Variants in CADM2 observed in about 807,000 individuals in gnomAD.
CADM2 encodes the protein immunoglobulin superfamily member 4D.
CADM2 carries 12 observed loss-of-function variants against 49.8 expected under a neutral mutation model. The observed-to-expected ratio is 0.24, with a 90% CI of 0.15 to 0.39. The LOEUF is 0.39. Among genes scored for constraint, CADM2 ranks in the 10% least tolerant of loss-of-function variants. CADM2 has a pLI of 1.00. For missense variants in CADM2, 378 were observed against 492.3 expected (o/e 0.77, Z 2.20); for synonymous variants, 214 against 175.4 (o/e 1.22, Z -1.74).
chr3:85,493,398 A>G (rs777228629), intron 1 of CADM2, among the ~76,000 whole-genome samples: 28 of 151,688 alleles, frequency 1.8e-4, no homozygotes, highest in Non-Finnish European at 2.9e-4. Context: ...TGAATACTCT[A>G]TGAAATAAAT....
rs549306750 is a variant in CADM2 at position 85,410,785 on chromosome 3, G to T, written c.62-315737G>T. On this transcript the variant is annotated intron_variant, in intron 1 of 9. Coordinates refer to ENST00000383699, the MANE Select transcript of CADM2 (RefSeq NM_001167675.2). ...AAGCTCTTTGTAGGTGATAGTGAAAGAAAATAAATAAGTGTGCAGGAGAAT... is the reference window on the plus strand; with the variant it reads ...AAGCTCTTTGTAGGTGATAGTGAAATAAAATAAATAAGTGTGCAGGAGAAT... Among the ~76,000 whole-genome samples, 8 of 152,226 alleles carry T rather than the reference G, an allele frequency of 5.3e-5. No homozygotes were observed. In the South Asian group the frequency reaches 6.2e-4, roughly 12 times the overall value.
intron 5 of CADM2, among the ~76,000 whole-genome samples, chr3:85,901,716 G>T (rs1716143298): frequency 6.6e-6 from 1 of 152,042 alleles, no homozygotes; most frequent in African/African-American, 2.4e-5. Context: ...TAAATTCACA[G>T]AACTATGAAA....
intron 8 of CADM2, among the ~76,000 whole-genome samples, chr3:85,966,266 A>G (rs1282086696): frequency 6.6e-6 from 1 of 151,738 alleles, no homozygotes; most frequent in Non-Finnish European, 1.5e-5. Flanking sequence ...GGTAGCAAGG[A>G]TAATGTTTAG....
chr3:86,033,704 T>C (rs925957652), intron 8 of CADM2, among the ~76,000 whole-genome samples: 47 of 136,738 alleles, frequency 3.4e-4, no homozygotes, highest in African/African-American at 1.1e-3. Flanking sequence ...TTATTTGTTT[T>C]ATATATATAT....
At chr3:84,980,102 AT>A (rs1328611756) in intron 1 of CADM2, among the ~76,000 whole-genome samples, 1 of 152,162 alleles carries the variant, frequency 6.6e-6, no homozygotes. Context: ...AAAGAGTTAA[AT>A]TCCCCTCATT....
At chr3:85,577,943 T>C (rs2062682746) in intron 1 of CADM2, among the ~76,000 whole-genome samples, 1 of 151,092 alleles carries the variant, frequency 6.6e-6, no homozygotes, top group African/African-American at 2.5e-5. Context: ...AAAATTATCC[T>C]CTAACATTAT....
chr3:85,239,776 A>C (rs1266627850), intron 1 of CADM2, among the ~76,000 whole-genome samples: 1 of 151,402 alleles, frequency 6.6e-6, no homozygotes, highest in Non-Finnish European at 1.5e-5. Flanking sequence ...ACTTCTTTAA[A>C]AATTATTTTA....
At chr3:85,194,269 G>A (rs1042384142) in intron 1 of CADM2, among the ~76,000 whole-genome samples, 2 of 152,098 alleles carry the variant, frequency 1.3e-5, no homozygotes, top group African/African-American at 2.4e-5. Flanking sequence ...TGCAAGACAA[G>A]GCTCAAGAGA....
At chr3:85,969,282 G>A (rs944753388) in intron 8 of CADM2, among the ~76,000 whole-genome samples, 11 of 151,304 alleles carry the variant, frequency 7.3e-5, no homozygotes, top group African/African-American at 2.2e-4. Flanking sequence ...GCCTACATCG[G>A]TGGCATCTCT....
intron 1 of CADM2, among the ~76,000 whole-genome samples, chr3:85,342,606 G>C (rs2030003897): frequency 1.3e-5 from 2 of 151,780 alleles, no homozygotes. Context: ...ATGCCTTGTG[G>C]GATCAAAAGG....
At position 84,959,026 on chromosome 3, in the gene CADM2, A is replaced by G. The variant is rs900373688; in HGVS notation, c.-582A>G. 2 of 191,564 alleles carry G rather than the reference A, an allele frequency of 1.0e-5. No individual in the cohort carries two copies. The highest frequency in any genetic ancestry group is 2.1e-5 in the Non-Finnish European group (2 of 95,656). 11.9% of individuals were successfully genotyped at this position (191,564 alleles called of 1,614,324 possible). A position where few individuals can be genotyped will look rare whatever the true frequency, so the allele number is the denominator to read the frequency against. ...CCGTCGCCGCTGCCGCTGCCGCCAC[A>G]GCCGCCGCTGCAGCCGGAGCATCCG... On this transcript the variant is annotated 5_prime_UTR_variant, in exon 1 of 10. Transcript: ENST00000383699.
At chr3:85,230,072 A>C (rs1241195051) in intron 1 of CADM2, among the ~76,000 whole-genome samples, 1 of 152,186 alleles carries the variant, frequency 6.6e-6, no homozygotes, top group Non-Finnish European at 1.5e-5. Flanking sequence ...ACTGACTGGC[A>C]CTGGCAGGAA....
chr3:85,620,450 T>C (rs1402032700), intron 1 of CADM2, among the ~76,000 whole-genome samples: 1 of 152,036 alleles, frequency 6.6e-6, no homozygotes, highest in Non-Finnish European at 1.5e-5. Context: ...ATAAAACAAC[T>C]TAAAATTTAT....
intron 1 of CADM2, among the ~76,000 whole-genome samples, chr3:85,574,148 C>A (rs1423072411): frequency 1.3e-5 from 2 of 152,206 alleles, no homozygotes; most frequent in African/African-American, 4.8e-5. Context: ...TATTTCTAGT[C>A]CTCAGTCTGG....
chr3:84,992,354 G>T (rs2032939041), intron 1 of CADM2, among the ~76,000 whole-genome samples: 1 of 152,034 alleles, frequency 6.6e-6, no homozygotes, highest in Admixed American at 6.6e-5. Context: ...ATTCAGAAAG[G>T]GGATCTTTAG....
intron 1 of CADM2, among the ~76,000 whole-genome samples, chr3:85,473,441 G>T (rs760216982): frequency 4.0e-5 from 6 of 151,872 alleles, no homozygotes; most frequent in Non-Finnish European, 5.9e-5. Context: ...CTTTTAATTA[G>T]GCAGTGAAAT....
At chr3:85,566,464 A>C (rs528615109) in intron 1 of CADM2, among the ~76,000 whole-genome samples, 1 of 152,288 alleles carries the variant, frequency 6.6e-6, no homozygotes, top group South Asian at 2.1e-4. Context: ...GCCTTCAAAT[A>C]AGATGCCTTG....
At chr3:85,951,910 A>C (rs1723470557) in intron 7 of CADM2, among the ~76,000 whole-genome samples, 1 of 151,004 alleles carries the variant, frequency 6.6e-6, no homozygotes, top group South Asian at 2.1e-4. Context: ...AAACAAAACA[A>C]AACAAATCTG....
intron 3 of CADM2, among the ~76,000 whole-genome samples, chr3:85,872,565 G>A (rs556869924): frequency 1.3e-5 from 2 of 151,510 alleles, no homozygotes; most frequent in African/African-American, 4.8e-5. Flanking sequence ...TGCCCCAGGA[G>A]TTGCAACTTC....
Sources: gnomAD v4.1 joint callset for allele counts (sites outside exome capture counted in the v4.1 genomes callset) on GRCh38, gnomAD v4.1.1 for gene constraint, MANE v1.5 for transcripts, NCBI Gene and HGNC (gene_info 2026-07-23, HGNC 2026-07-21) for gene names.